CHRM3: variants seen among roughly 807,000 people sequenced by gnomAD.
The protein encoded by CHRM3 is cholinergic receptor muscarinic 3.
Under a neutral mutation model 41.8 loss-of-function variants are expected in CHRM3, and 11 were observed. The ratio of observed to expected loss-of-function variants is 0.26; its 90% CI spans 0.17 to 0.44. The LOEUF is 0.44. CHRM3 is among the 20% of genes least tolerant of loss of function. The pLI is 1.00. For missense variants in CHRM3, 571 were observed against 745.4 expected, an observed-to-expected ratio of 0.77 and a Z score of 2.72; for synonymous variants, 297 against 301.4, an observed-to-expected ratio of 0.99 and a Z score of 0.15.
intron 3 of CHRM3, among the ~76,000 whole-genome samples, chr1:239,598,169 C>A (rs1436319340): frequency 6.6e-6 from 1 of 152,090 alleles, no homozygotes; most frequent in Non-Finnish European, 1.5e-5. Context: ...CTTTGTAAGA[C>A]CCCAGGATCT....
chr1:239,518,766 T>C (rs1191328102), intron 2 of CHRM3, among the ~76,000 whole-genome samples: 1 of 152,216 alleles, frequency 6.6e-6, no homozygotes, highest in Non-Finnish European at 1.5e-5. Flanking sequence ...GACAGAGGCA[T>C]GGTGGCCAGG....
At chr1:239,572,376 T>C (rs75214161) in intron 3 of CHRM3, among the ~76,000 whole-genome samples, 5,469 of 152,306 alleles carry the variant, frequency 0.036, 364 homozygotes, top group African/African-American at 0.13. Flanking sequence ...ATTTTCTGAC[T>C]GAAACTGAGA....
At chr1:239,553,617 G>A (rs2148454967) in intron 3 of CHRM3, among the ~76,000 whole-genome samples, 1 of 152,252 alleles carries the variant, frequency 6.6e-6, no homozygotes, top group African/African-American at 2.4e-5. Flanking sequence ...TCCCTACAGT[G>A]GGGACTAGGA....
intron 3 of CHRM3, among the ~76,000 whole-genome samples, chr1:239,576,865 A>G (rs1435387336): frequency 1.3e-5 from 2 of 152,094 alleles, no homozygotes; most frequent in African/African-American, 4.8e-5. Flanking sequence ...TAAAGAAACC[A>G]ACAGTTCTCT....
intron 5 of CHRM3, among the ~76,000 whole-genome samples, chr1:239,711,286 C>T (rs1224622102): frequency 6.6e-6 from 1 of 151,928 alleles, no homozygotes; most frequent in Non-Finnish European, 1.5e-5. Context: ...TACTGACCCC[C>T]ATCCAACTTT....
chr1:239,424,054 CAA>C (rs772980892), intron 1 of CHRM3, among the ~76,000 whole-genome samples: 41 of 78,894 alleles, frequency 5.2e-4, no homozygotes, highest in South Asian at 5.0e-3. Context: ...GACTCTGTCT[CAA>C]AAAAAAAAAA....
chr1:239,503,814 G>A (rs1306129635), intron 2 of CHRM3, among the ~76,000 whole-genome samples: 1 of 152,088 alleles, frequency 6.6e-6, no homozygotes, highest in African/African-American at 2.4e-5. Context: ...TTAAATTGGG[G>A]GAAAGGACAC....
intron 5 of CHRM3, among the ~76,000 whole-genome samples, chr1:239,781,463 C>T (rs1410979769): frequency 6.6e-6 from 1 of 152,138 alleles, no homozygotes; most frequent in Admixed American, 6.5e-5. Context: ...GCTACAATTG[C>T]TTATTAGTTT....
intron 4 of CHRM3, among the ~76,000 whole-genome samples, chr1:239,674,818 A>G (rs2149074439): frequency 6.6e-6 from 1 of 152,256 alleles, no homozygotes; most frequent in East Asian, 1.9e-4. Context: ...GCCTCTCACA[A>G]AAATAATTTT....
chr1:239,411,449 G>T (rs57533762), intron 1 of CHRM3, among the ~76,000 whole-genome samples: 3,394 of 152,146 alleles, frequency 0.022, 104 homozygotes, highest in African/African-American at 0.078. Flanking sequence ...GTTGTGGACC[G>T]GGCGTGGTGG....
intron 2 of CHRM3, among the ~76,000 whole-genome samples, chr1:239,501,616 G>A (rs983229187): frequency 2.0e-4 from 31 of 152,194 alleles, no homozygotes; most frequent in Admixed American, 6.5e-5. Context: ...AGCACTTTGG[G>A]AGGCTGAGGT....
At chr1:239,424,212 T>C (rs7548324) in intron 1 of CHRM3, among the ~76,000 whole-genome samples, 44,210 of 151,970 alleles carry the variant, frequency 0.29, 6,624 homozygotes, top group Non-Finnish European at 0.31. Context: ...GACACGGCAA[T>C]GAGTGGTGTA....
chr1:239,639,907 A>T (rs1391422774), intron 4 of CHRM3, among the ~76,000 whole-genome samples: 2 of 148,744 alleles, frequency 1.3e-5, no homozygotes, highest in Admixed American at 6.8e-5. Flanking sequence ...GGTTTGTCAT[A>T]GATAGCTCTT....
chr1:239,515,824 A>T (rs1010443805), intron 2 of CHRM3, among the ~76,000 whole-genome samples: 1 of 152,192 alleles, frequency 6.6e-6, no homozygotes, highest in Admixed American at 6.5e-5. Flanking sequence ...CCTTAGTTAA[A>T]AGTTAGATGC....
chr1:239,490,787 C>T lies in CHRM3; in HGVS notation c.-520-1922C>T, dbSNP rs546199611. Among the ~76,000 whole-genome samples the T allele has an allele frequency of 1.3e-3, 201 of 152,170 alleles. 1 individual carries two copies. The highest frequency in any genetic ancestry group is 2.0e-3 in the Non-Finnish European group (135 of 67,998). ...TTTGAGACAGGGTCTTACTCTGTCA[C>T]CTAGGCTGGAGTGCAGTGGTGCCAT... is the stretch of plus-strand genomic sequence containing the variant. On this transcript the variant is annotated intron_variant, in intron 1 of 6. Coordinates refer to ENST00000676153, the MANE Select transcript of CHRM3 (RefSeq NM_001375978.1).
At chr1:239,578,364 A>G (rs1662567539) in intron 3 of CHRM3, among the ~76,000 whole-genome samples, 1 of 152,182 alleles carries the variant, frequency 6.6e-6, no homozygotes, top group Non-Finnish European at 1.5e-5. Context: ...GAGATATACT[A>G]CATATATTTC....
At chr1:239,484,854 G>A (rs996727066) in intron 1 of CHRM3, among the ~76,000 whole-genome samples, 1 of 152,074 alleles carries the variant, frequency 6.6e-6, no homozygotes, top group Admixed American at 6.5e-5. Flanking sequence ...GTGCTCTGAG[G>A]AAGCAAGGGG....
intron 1 of CHRM3, among the ~76,000 whole-genome samples, chr1:239,444,506 C>T (rs951707198): frequency 1.3e-5 from 2 of 152,074 alleles, no homozygotes; most frequent in African/African-American, 4.8e-5. Context: ...ATTTGAGGCC[C>T]TGCCTGGTGA....
chr1:239,667,465 C>T (rs906134140), intron 4 of CHRM3, among the ~76,000 whole-genome samples: 1 of 152,176 alleles, frequency 6.6e-6, no homozygotes, highest in Non-Finnish European at 1.5e-5. Context: ...TTCTCCCCTA[C>T]ATCCTATCAG....
Sources: allele counts gnomAD v4.1 joint callset (sites outside exome capture counted in the v4.1 genomes callset), GRCh38; gene constraint gnomAD v4.1.1; transcripts MANE v1.5; gene names NCBI Gene and HGNC (gene_info 2026-07-23, HGNC 2026-07-21).